DNAH8: variants seen among roughly 807,000 people sequenced by gnomAD.
The protein encoded by DNAH8 is dynein axonemal heavy chain 8, also known as axonemal beta dynein heavy chain 8.
In DNAH8, 382 loss-of-function variants were observed where a neutral mutation model predicts 562.1. The observed-to-expected ratio is 0.68, with a 90% CI of 0.63 to 0.74. DNAH8 has a LOEUF of 0.74. Ranked by LOEUF, DNAH8 falls within the 30% of genes least tolerant of loss-of-function variation. DNAH8 has a pLI of 0.00. For missense variants in DNAH8, 5,203 were observed against 5,620.4 expected (o/e 0.93, Z 2.37); for synonymous variants, 1,881 against 1,919.4 (o/e 0.98, Z 0.52).
At chr6:39,024,741 GACCAGCCATTGCT>G (rs1767156898) in intron 91 of DNAH8, among the ~76,000 whole-genome samples, 1 of 152,188 alleles carries the variant, frequency 6.6e-6, no homozygotes, top group Non-Finnish European at 1.5e-5. Context: ...CACAGGCATT[GACCAGCCATTGCT>G]ACCAGGCAAA....
chr6:39,014,268 T>C (rs1766420836), intron 91 of DNAH8, among the ~76,000 whole-genome samples: 1 of 152,178 alleles, frequency 6.6e-6, no homozygotes, highest in Non-Finnish European at 1.5e-5. Context: ...AGAATTTCCA[T>C]TGAGTTAGGG....
chr6:38,991,303 T>C (rs1348543602), intron 88 of DNAH8, among the ~76,000 whole-genome samples: 1 of 152,188 alleles, frequency 6.6e-6, no homozygotes, highest in African/African-American at 2.4e-5. Context: ...ATGCCAATGC[T>C]TCATTCCACC....
chr6:38,818,366 T>C (rs1054026143), intron 26 of DNAH8, among the ~76,000 whole-genome samples: 1 of 151,966 alleles, frequency 6.6e-6, no homozygotes, highest in African/African-American at 2.4e-5. Flanking sequence ...CTTGGACTTA[T>C]CAACAATCTT....
At chr6:38,746,357 A>G (rs1034972741) in intron 8 of DNAH8, among the ~76,000 whole-genome samples, 4 of 151,520 alleles carry the variant, frequency 2.6e-5, no homozygotes, top group South Asian at 2.1e-4. Flanking sequence ...CCACTTCTTT[A>G]CTCTCTAACA....
chr6:38,797,005 G>A lies in DNAH8; in HGVS notation c.2901+5331G>A, dbSNP rs117399484. Among the ~76,000 whole-genome samples, 441 of 152,182 alleles carry A rather than the reference G, an allele frequency of 2.9e-3. 5 individuals carry two copies. In the South Asian group the frequency reaches 0.037, roughly 13 times the overall value. ...GAGCCTAACTGATAACTTCTGTCTC[G>A]ATAGATCTACCAATGGAATAGAAAA... On this transcript the variant is annotated intron_variant, in intron 21 of 92. Coordinates refer to ENST00000327475, the MANE Select transcript of DNAH8 (RefSeq NM_001206927.2).
At chr6:38,824,784 T>C (rs1362064799) in intron 28 of DNAH8, among the ~76,000 whole-genome samples, 13 of 152,046 alleles carry the variant, frequency 8.6e-5, no homozygotes, top group Admixed American at 8.5e-4. Flanking sequence ...ATGATTGATG[T>C]TGAATAAATA....
intron 12 of DNAH8, among the ~76,000 whole-genome samples, chr6:38,775,162 T>A (rs1767941598): frequency 6.6e-6 from 1 of 152,200 alleles, no homozygotes; most frequent in Non-Finnish European, 1.5e-5. Flanking sequence ...AGGAGTAGCC[T>A]GTGGACATGA....
In DNAH8 at chr6:38,926,175, T is replaced by A. The variant is rs1782104609; in HGVS notation, c.11083T>A (p.Trp3695Arg). 6.2e-7 allele frequency: 1 copy of A among 1,613,756 alleles called. No individual in the cohort carries two copies. Among genetic ancestry groups the A allele is most frequent in the Non-Finnish European group, 8.5e-7 (1 of 1,179,766 alleles). ...LIDPQTQGKT[W>R]IKSKEKENDL... ...AGACCCACAAACTCAAGGCAAAACTTGGATTAAATCAAAGGAAAAAGAAAA... is the reference window on the plus strand; with the variant it reads ...AGACCCACAAACTCAAGGCAAAACTAGGATTAAATCAAAGGAAAAAGAAAA... The change falls in exon 74 of 93, where the codon TGG becomes AGG. Residue 3695 changes from tryptophan to arginine, a missense_variant. Around this residue, in one of 6 missense-constraint regions of DNAH8, gnomAD observed 1,399 missense variants for 1,518.4 expected, o/e 0.92. Transcript: ENST00000327475.
chr6:38,922,926 C>A, intron 71 of DNAH8, 132 bp from the exon 72 acceptor site: 1 of 854,690 alleles, frequency 1.2e-6, no homozygotes, highest in Non-Finnish European at 1.8e-6. Flanking sequence ...TTTCAATGCA[C>A]ACTGTATTTT....
chr6:38,803,399 C>T, intron 22 of DNAH8, 88 bp downstream of exon 22: 1 of 912,054 alleles, frequency 1.1e-6, no homozygotes, highest in Non-Finnish European at 1.7e-6. Context: ...TACTGAATTC[C>T]AGACCCTCCC....
At chr6:38,736,346 A>G (rs185920819) in intron 5 of DNAH8, among the ~76,000 whole-genome samples, 19 of 152,220 alleles carry the variant, frequency 1.2e-4, no homozygotes, top group Non-Finnish European at 2.5e-4. Flanking sequence ...AGTCAAACCT[A>G]TTTTCATCAG....
intron 7 of DNAH8, among the ~76,000 whole-genome samples, chr6:38,739,082 A>T (rs755696865): frequency 7.9e-5 from 12 of 151,590 alleles, no homozygotes; most frequent in Non-Finnish European, 1.5e-4. Context: ...TGTATCATTT[A>T]CCCATATCAT....
In DNAH8 at chr6:39,012,440, T is replaced by C; in HGVS notation, c.13525-8T>C. ...CTTATTCATGTGTTTTAACTTTTTC[T>C]TCTCCAGAATCTGAGAGATGCTCTG... On this transcript the variant is annotated splice_region_variant and splice_polypyrimidine_tract_variant and intron_variant, in intron 90 of 92. Coordinates refer to ENST00000327475, the MANE Select transcript of DNAH8 (RefSeq NM_001206927.2). 6.2e-7 allele frequency: 1 copy of C among 1,610,842 alleles called. No individual in the cohort carries two copies. The highest frequency in any genetic ancestry group is 8.5e-7 in the Non-Finnish European group (1 of 1,177,482).
At chr6:38,783,305 T>C (rs1462673040) in intron 17 of DNAH8, among the ~76,000 whole-genome samples, 166 bp downstream of exon 17, 1 of 152,224 alleles carries the variant, frequency 6.6e-6, no homozygotes, top group African/African-American at 2.4e-5. Flanking sequence ...GTTAATAATA[T>C]TCTGATTTTA....
At position 38,842,863 on chromosome 6, in the gene DNAH8, T is replaced by C. The variant is rs755166575; in HGVS notation, c.4805T>C (p.Ile1602Thr). 1 of 1,613,802 alleles carries C rather than the reference T, an allele frequency of 6.2e-7. No homozygotes were observed. Among genetic ancestry groups the C allele is most frequent in the South Asian group, 1.1e-5 (1 of 91,082 alleles). ...TCTGATTCTTTTTGCCTTAGAAATATCATGGAAGCACCACTCCTTAAACAT... is the reference window on the plus strand; with the variant it reads ...TCTGATTCTTTTTGCCTTAGAAATACCATGGAAGCACCACTCCTTAAACAT... ...VESDSFCLRNIMEAPLLKHKD... is the reference protein window; with the variant it reads ...VESDSFCLRNTMEAPLLKHKD... Residue 1602 changes from isoleucine to threonine, a missense_variant, in exon 35 of 93, where the codon ATC becomes ACC. Physicochemically the swap from Ile to Thr is moderately conservative, Grantham distance 89. This residue lies in a region of DNAH8 where 2,176 missense variants were observed against 2,365.1 expected (regional missense o/e 0.92). Transcript: ENST00000327475.
chr6:38,898,377 T>G lies in DNAH8; in HGVS notation c.9060T>G (p.Ile3020Met). 1 of 1,569,168 alleles carries G rather than the reference T, an allele frequency of 6.4e-7. No homozygotes were observed. Among genetic ancestry groups the G allele is most frequent in the Non-Finnish European group, 8.6e-7 (1 of 1,165,094 alleles). Reference protein sequence around the residue: ...VFFKDAMTHLIKISRIIRTSC... With the variant: ...VFFKDAMTHLMKISRIIRTSC... ...TTAAAGATGCAATGACTCATCTTAT[T>G]AAGGTCCTAACTATTGCCTATTTAC... is the stretch of plus-strand genomic sequence containing the variant. Residue 3020 changes from isoleucine (I) to methionine (M), a missense_variant, in exon 61 of 93, where the codon ATT becomes ATG. Transcript: ENST00000327475.
At chr6:38,774,063 T>G (rs546696788) in intron 12 of DNAH8, among the ~76,000 whole-genome samples, 1 of 152,338 alleles carries the variant, frequency 6.6e-6, no homozygotes, top group South Asian at 2.1e-4. Context: ...ATGGCAGGTA[T>G]AGACTTGATG....
At chr6:39,004,439 C>T (rs1383132374) in intron 88 of DNAH8, among the ~76,000 whole-genome samples, 1 of 152,174 alleles carries the variant, frequency 6.6e-6, no homozygotes, top group Non-Finnish European at 1.5e-5. Flanking sequence ...AATAACCTCC[C>T]TCCTTTCTAA....
At position 38,883,462 on chromosome 6, in the gene DNAH8, A is replaced by G; in HGVS notation, c.8136+6A>G. ...CAGAACCAATGATGTTTCAGGTGAA[A>G]TCCATCATTTGCTGTAATATTATAA... On this transcript the variant is annotated splice_donor_region_variant and intron_variant, in intron 55 of 92. Coordinates refer to ENST00000327475, the MANE Select transcript of DNAH8 (RefSeq NM_001206927.2). 6.2e-7 allele frequency: 1 copy of G among 1,604,284 alleles called. No homozygotes were observed. The highest frequency in any genetic ancestry group is 8.5e-7 in the Non-Finnish European group (1 of 1,176,270).
Sources: allele counts gnomAD v4.1 joint callset (sites outside exome capture counted in the v4.1 genomes callset), GRCh38; gene constraint gnomAD v4.1.1; regional missense constraint gnomAD v4.1.1; transcripts MANE v1.5; gene names NCBI Gene and HGNC (gene_info 2026-07-23, HGNC 2026-07-21).